Variants in ADAMTS17 observed in about 807,000 individuals in gnomAD.
ADAMTS17 encodes A disintegrin and metalloproteinase with thrombospondin motifs 17.
A neutral mutation model predicts 141.5 loss-of-function variants in ADAMTS17; 113 were observed. The ratio of observed to expected loss-of-function variants is 0.80; its 90% confidence interval spans 0.69 to 0.93. ADAMTS17 has a LOEUF of 0.93. Ranked by LOEUF, ADAMTS17 falls within the 40% of genes least tolerant of loss-of-function variation. The pLI, the probability that ADAMTS17 is intolerant of heterozygous loss-of-function variation, is 0.00. For synonymous variants in ADAMTS17, 768 were observed against 630.6 expected (o/e 1.22, Z -3.27); for missense variants, 1,659 against 1,517.9 (o/e 1.09, Z -1.54).
At chr15:99,986,104 C>T (rs908445157) in intron 20 of ADAMTS17, among the ~76,000 whole-genome samples, 1 of 149,986 alleles carries the variant, frequency 6.7e-6, no homozygotes, top group African/African-American at 2.4e-5. Flanking sequence ...GGCTTGGCCA[C>T]ATGCCCACAG....
At chr15:100,276,489 AGGGTGGGAGGGAGTGGGTGCCTGGTGGG>A (rs2142057655) in intron 4 of ADAMTS17, among the ~76,000 whole-genome samples, 1 of 4,198 alleles carries the variant, frequency 2.4e-4, no homozygotes, top group South Asian at 5.6e-3. Flanking sequence ...GCCTGGTGGG[AGGGTGGGAGGGAGTGGGTGCCTGGTGGG>A]AGGGTGGGAG....
At position 100,053,991 on chromosome 15, in the gene ADAMTS17, A is replaced by G; in HGVS notation, c.2201T>C (p.Phe734Ser). The change falls in exon 16 of 22, where the codon TTC becomes TCC. Residue 734 changes from phenylalanine to serine, a missense_variant. By Grantham distance (155) the Phe-to-Ser change is radical. Coordinates refer to ENST00000268070, the MANE Select transcript of ADAMTS17 (RefSeq NM_139057.4). ...SDWKIELPGE[F>S]QIAGTTVRYV... ...GCGAACAGTTGTGCCTGCAATCTGGAACTCTCCGGGGAGCTCTATCTTCCA... is the reference window on the plus strand; with the variant it reads ...GCGAACAGTTGTGCCTGCAATCTGGGACTCTCCGGGGAGCTCTATCTTCCA... 1 of 1,614,150 alleles carries G rather than the reference A, an allele frequency of 6.2e-7. No individual in the cohort carries two copies. Among genetic ancestry groups the G allele is most frequent in the South Asian group, 1.1e-5 (1 of 91,072 alleles).
chr15:100,310,747 G>A (rs1233885656), intron 3 of ADAMTS17, among the ~76,000 whole-genome samples: 1 of 150,700 alleles, frequency 6.6e-6, no homozygotes, highest in East Asian at 2.0e-4. Flanking sequence ...TTTCCCCTAA[G>A]CTTCATTGTC....
At chr15:100,148,619 T>A (rs1458753683) in intron 10 of ADAMTS17, among the ~76,000 whole-genome samples, 1 of 152,116 alleles carries the variant, frequency 6.6e-6, no homozygotes, top group Non-Finnish European at 1.5e-5. Flanking sequence ...TATCTGTATA[T>A]AACTTATCTG....
At chr15:100,282,059 C>T (rs2044303323) in intron 3 of ADAMTS17, among the ~76,000 whole-genome samples, 1 of 152,168 alleles carries the variant, frequency 6.6e-6, no homozygotes, top group Admixed American at 6.5e-5. Context: ...ACCTATATCC[C>T]TGTAAAATCT....
chr15:100,172,168 TC>T (rs1252429117), intron 8 of ADAMTS17, among the ~76,000 whole-genome samples: 4 of 152,174 alleles, frequency 2.6e-5, no homozygotes, highest in Non-Finnish European at 5.9e-5. Flanking sequence ...AAGCATTGGT[TC>T]CCAAGTGTGG....
intron 18 of ADAMTS17, among the ~76,000 whole-genome samples, chr15:100,015,893 T>C (rs1372556134): frequency 2.6e-5 from 4 of 152,250 alleles, no homozygotes; most frequent in Admixed American, 2.6e-4. Context: ...CTTGTGCTTC[T>C]TGTATTTGGA....
intron 9 of ADAMTS17, among the ~76,000 whole-genome samples, 192 bp from the exon 10 acceptor site, chr15:100,152,954 A>AGTAG (rs56967165): frequency 2.6e-5 from 4 of 151,272 alleles, no homozygotes; most frequent in South Asian, 4.2e-4. Context: ...CTACATGGCC[A>AGTAG]AATGTGAATC....
At chr15:100,091,718 C>T (rs930703145) in intron 15 of ADAMTS17, among the ~76,000 whole-genome samples, 1 of 152,128 alleles carries the variant, frequency 6.6e-6, no homozygotes, top group Admixed American at 6.5e-5. Flanking sequence ...GAAAAGGTAC[C>T]ATGATGGACT....
At chr15:100,243,235 C>T (rs1030115907) in intron 7 of ADAMTS17, among the ~76,000 whole-genome samples, 2 of 152,232 alleles carry the variant, frequency 1.3e-5, no homozygotes, top group Admixed American at 6.5e-5. Flanking sequence ...ACCCCTCTAT[C>T]AACACCTGGG....
chr15:100,298,819 T>C (rs1438260993), intron 3 of ADAMTS17, among the ~76,000 whole-genome samples: 3 of 152,150 alleles, frequency 2.0e-5, no homozygotes, highest in African/African-American at 7.2e-5. Flanking sequence ...CCTTAAACCT[T>C]TGTCTCAACC....
At chr15:100,173,039 G>C (rs75635375) in intron 8 of ADAMTS17, among the ~76,000 whole-genome samples, 2 of 152,122 alleles carry the variant, frequency 1.3e-5, no homozygotes, top group South Asian at 2.1e-4. Context: ...AAGCCCAAGC[G>C]GTCTAAGGGG....
At chr15:100,269,533 G>A (rs991049243) in intron 4 of ADAMTS17, among the ~76,000 whole-genome samples, 3 of 152,198 alleles carry the variant, frequency 2.0e-5, no homozygotes, top group Non-Finnish European at 4.4e-5. Flanking sequence ...GAGCTCTAGA[G>A]AATGGCAAGG....
intron 7 of ADAMTS17, among the ~76,000 whole-genome samples, chr15:100,219,850 T>C (rs1451148231): frequency 6.6e-6 from 1 of 151,236 alleles, no homozygotes; most frequent in East Asian, 1.9e-4. Flanking sequence ...ATCCCTCTAG[T>C]TCCTTTTCTT....
chr15:100,162,184 A>T (rs1183387208), intron 8 of ADAMTS17, among the ~76,000 whole-genome samples: 1 of 152,086 alleles, frequency 6.6e-6, no homozygotes, highest in African/African-American at 2.4e-5. Context: ...AGCTAACCAG[A>T]GGACTGAAGT....
chr15:100,289,901 G>A (rs1056941061), intron 3 of ADAMTS17, among the ~76,000 whole-genome samples: 5 of 151,978 alleles, frequency 3.3e-5, no homozygotes, highest in Admixed American at 1.3e-4. Context: ...CAAACCCACC[G>A]CCCATCATAC....
chr15:100,060,588 G>C (rs918406417), intron 15 of ADAMTS17, among the ~76,000 whole-genome samples: 1 of 152,234 alleles, frequency 6.6e-6, no homozygotes, highest in Non-Finnish European at 1.5e-5. Flanking sequence ...CTGCACAGAA[G>C]CCCGAGTGGG....
chr15:100,067,373 C>T (rs911933620), intron 15 of ADAMTS17, among the ~76,000 whole-genome samples: 4 of 152,278 alleles, frequency 2.6e-5, no homozygotes, highest in South Asian at 2.1e-4. Flanking sequence ...TTCTAAGTAG[C>T]CTATCTGTCT....
intron 15 of ADAMTS17, among the ~76,000 whole-genome samples, chr15:100,055,803 C>T (rs1012535698): frequency 1.3e-5 from 2 of 152,184 alleles, no homozygotes; most frequent in Non-Finnish European, 2.9e-5. Context: ...TAGGTTGGCT[C>T]TTTCATATAC....
Sources: allele counts gnomAD v4.1 joint callset (sites outside exome capture counted in the v4.1 genomes callset), GRCh38; gene constraint gnomAD v4.1.1; transcripts MANE v1.5; gene names NCBI Gene and HGNC (gene_info 2026-07-23, HGNC 2026-07-21).